The following DARS1 variants were observed in gnomAD, a reference collection of about 807,000 sequenced individuals.
DARS1 encodes aspartate--tRNA ligase, cytoplasmic.
A neutral mutation model predicts 68.8 loss-of-function variants in DARS1; 51 were observed. The observed-to-expected ratio is 0.74, with a 90% CI of 0.59 to 0.94. DARS1 has a LOEUF of 0.94. Among genes scored for constraint, DARS1 ranks in the 40% least tolerant of loss-of-function variants. The pLI, the probability that DARS1 is intolerant of heterozygous loss-of-function variation, is 0.00. For synonymous variants in DARS1, 203 were observed against 190.4 expected (o/e 1.07, Z -0.55); for missense variants, 607 against 597.3 (o/e 1.02, Z -0.17).
At chr2:135,913,251 G>A (rs930983448) in intron 12 of DARS1, among the ~76,000 whole-genome samples, 7 of 151,454 alleles carry the variant, frequency 4.6e-5, no homozygotes, top group African/African-American at 1.7e-4. Flanking sequence ...AATTATTTTG[G>A]GAAATTTGAT....
chr2:135,968,029 G>A (rs186381578), intron 3 of DARS1, among the ~76,000 whole-genome samples: 55 of 152,232 alleles, frequency 3.6e-4, no homozygotes, highest in African/African-American at 1.3e-3. Flanking sequence ...GGAGGCCAAG[G>A]TGGGCAGATC....
At chr2:135,947,389 C>G (rs149440169) in intron 4 of DARS1, among the ~76,000 whole-genome samples, 126 of 139,296 alleles carry the variant, frequency 9.0e-4, no homozygotes, top group African/African-American at 3.3e-3. Context: ...GCCTGGGTGA[C>G]AGAACGAGAC....
chr2:135,926,904 G>C (rs1410613198), intron 7 of DARS1, among the ~76,000 whole-genome samples: 4 of 152,082 alleles, frequency 2.6e-5, no homozygotes, highest in Non-Finnish European at 5.9e-5. Flanking sequence ...CTGCATCAGA[G>C]TCTGAGAAAC....
chr2:135,951,932 C>A (rs919520033), intron 4 of DARS1, among the ~76,000 whole-genome samples: 1 of 152,150 alleles, frequency 6.6e-6, no homozygotes, highest in Non-Finnish European at 1.5e-5. Context: ...GAGTATAAAA[C>A]TGTTACCTTT....
At chr2:135,919,620 TTTTC>T (rs1440706962) in intron 10 of DARS1, among the ~76,000 whole-genome samples, 5 of 152,336 alleles carry the variant, frequency 3.3e-5, no homozygotes, top group East Asian at 3.9e-4. Flanking sequence ...TCTTTTCCTA[TTTTC>T]TCTATGTTAA....
intron 3 of DARS1, among the ~76,000 whole-genome samples, chr2:135,970,367 T>G (rs936635274): frequency 6.6e-6 from 1 of 151,048 alleles, no homozygotes; most frequent in African/African-American, 2.4e-5. Flanking sequence ...ACATGGAAAT[T>G]AAACAATATG....
intron 5 of DARS1, 100 bp from the exon 6 acceptor site, chr2:135,934,090 T>C: frequency 6.8e-7 from 1 of 1,463,960 alleles, no homozygotes; most frequent in Non-Finnish European, 9.1e-7. Context: ...AAGCAATGTT[T>C]GCATACATCT....
intron 1 of DARS1, among the ~76,000 whole-genome samples, chr2:135,984,860 G>A (rs1245307583): frequency 6.6e-6 from 1 of 152,110 alleles, no homozygotes; most frequent in Non-Finnish European, 1.5e-5. Context: ...TGCATTCTCG[G>A]TAACTCCTAT....
At chr2:135,919,522 T>C (rs1056351796) in intron 10 of DARS1, among the ~76,000 whole-genome samples, 6 of 152,116 alleles carry the variant, frequency 3.9e-5, no homozygotes, top group East Asian at 1.9e-4. Flanking sequence ...TAGACTATTA[T>C]AGCTTACCTA....
At chr2:135,944,760 A>G (rs1681681813) in intron 4 of DARS1, among the ~76,000 whole-genome samples, 1 of 152,338 alleles carries the variant, frequency 6.6e-6, no homozygotes, top group Non-Finnish European at 1.5e-5. Context: ...AAGAGGCTCC[A>G]GTGGACTGTT....
chr2:135,940,227 T>C (rs1558787006), intron 5 of DARS1, among the ~76,000 whole-genome samples: 1 of 152,200 alleles, frequency 6.6e-6, no homozygotes, highest in Admixed American at 6.5e-5. Flanking sequence ...TTTAGACCAA[T>C]ATCCCTGATG....
intron 11 of DARS1, among the ~76,000 whole-genome samples, chr2:135,915,291 T>C (rs1261382179): frequency 6.6e-6 from 1 of 152,120 alleles, no homozygotes; most frequent in African/African-American, 2.4e-5. Flanking sequence ...ATGTTTTGTT[T>C]ATTTATTTTT....
At chr2:135,925,476 G>C (rs1463430493) in intron 7 of DARS1, among the ~76,000 whole-genome samples, 2 of 152,102 alleles carry the variant, frequency 1.3e-5, no homozygotes, top group Admixed American at 6.5e-5. Context: ...GTAGTACCCT[G>C]TGAAAACACT....
intron 4 of DARS1, among the ~76,000 whole-genome samples, chr2:135,951,477 T>C (rs923101874): frequency 2.6e-5 from 4 of 152,272 alleles, no homozygotes; most frequent in African/African-American, 4.8e-5. Context: ...GTTTTATCCA[T>C]TCACTAGCAA....
chr2:135,913,480 G>A (rs1558776523), intron 12 of DARS1, among the ~76,000 whole-genome samples: 2 of 152,092 alleles, frequency 1.3e-5, no homozygotes, highest in South Asian at 2.1e-4. Context: ...TTGAGGGCCC[G>A]GCGCGGTGGC....
At chr2:135,946,329 C>A (rs1445602457) in intron 4 of DARS1, among the ~76,000 whole-genome samples, 2 of 152,142 alleles carry the variant, frequency 1.3e-5, no homozygotes, top group Non-Finnish European at 2.9e-5. Flanking sequence ...CTGCTAGCTT[C>A]TTTTCATTAC....
At chr2:135,922,013 G>A (rs1681117701) in intron 9 of DARS1, among the ~76,000 whole-genome samples, 1 of 152,160 alleles carries the variant, frequency 6.6e-6, no homozygotes, top group Non-Finnish European at 1.5e-5. Context: ...CTTGGTAAGT[G>A]TTAAATAAAG....
At chr2:135,966,483 A>G (rs1156973575) in intron 3 of DARS1, among the ~76,000 whole-genome samples, 2 of 152,360 alleles carry the variant, frequency 1.3e-5, no homozygotes, top group African/African-American at 4.8e-5. Flanking sequence ...TATAGAAAAC[A>G]AAGTCAGTGT....
chr2:135,954,343 AAAGAG>A (rs1204170981), intron 4 of DARS1, among the ~76,000 whole-genome samples: 4 of 151,470 alleles, frequency 2.6e-5, no homozygotes, highest in Non-Finnish European at 4.4e-5. Flanking sequence ...AAAAAAAAAA[AAAGAG>A]AGAGAGAACA....
Sources: allele counts gnomAD v4.1 joint callset (sites outside exome capture counted in the v4.1 genomes callset), GRCh38; gene constraint gnomAD v4.1.1; transcripts MANE v1.5; gene names NCBI Gene and HGNC (gene_info 2026-07-23, HGNC 2026-07-21).